Variants in ALK observed in about 807,000 individuals in gnomAD.
The protein encoded by ALK is ALK tyrosine kinase receptor.
In ALK, 74 loss-of-function variants were observed where a neutral mutation model predicts 163.1. The observed-to-expected ratio is 0.45, with a 90% CI of 0.38 to 0.55. The LOEUF is 0.55. Among genes scored for constraint, ALK ranks in the 20% least tolerant of loss-of-function variants. The pLI, the probability that ALK is intolerant of heterozygous loss-of-function variation, is 0.00. For synonymous variants in ALK, 960 were observed against 843.2 expected (o/e 1.14, Z -2.40); for missense variants, 2,063 against 2,105.3 (o/e 0.98, Z 0.39).
rs112649057 is a variant in ALK at position 29,765,601 on chromosome 2, C to G, written c.668-47904G>C. On this transcript the variant is annotated intron_variant, in intron 1 of 28. Transcript: ENST00000389048. ...TGCTGGGATTACAGGCATAAGCCAC[C>G]ATGCCTGGCGCTTTTAGAATAAAAA... Among the ~76,000 whole-genome samples the G allele has an allele frequency of 4.3e-3, 662 of 152,200 alleles. 8 individuals carry two copies. The highest frequency in any genetic ancestry group is 0.014 in the African/African-American group (598 of 41,534).
At chr2:29,309,564 C>G (rs928187922) in intron 8 of ALK, among the ~76,000 whole-genome samples, 1 of 152,152 alleles carries the variant, frequency 6.6e-6, no homozygotes, top group Non-Finnish European at 1.5e-5. Flanking sequence ...ACTTAACAGG[C>G]AGTGGTGATA....
intron 4 of ALK, among the ~76,000 whole-genome samples, chr2:29,393,455 C>T (rs1203931847): frequency 1.3e-5 from 2 of 152,144 alleles, no homozygotes; most frequent in African/African-American, 4.8e-5. Context: ...GGGTCCTGCT[C>T]CACACCCAGG....
intron 4 of ALK, among the ~76,000 whole-genome samples, chr2:29,530,680 C>T (rs759319539): frequency 8.5e-5 from 13 of 152,214 alleles, no homozygotes; most frequent in African/African-American, 1.4e-4. Context: ...AAAGAGAAGC[C>T]GTGCTGGAGG....
intron 1 of ALK, among the ~76,000 whole-genome samples, chr2:29,811,428 T>A (rs1322099638): frequency 6.6e-6 from 1 of 152,176 alleles, no homozygotes; most frequent in African/African-American, 2.4e-5. Flanking sequence ...GTCAAGCTTA[T>A]CTCCATGTCT....
chr2:29,883,755 G>A (rs553968666), intron 1 of ALK, among the ~76,000 whole-genome samples: 4 of 152,184 alleles, frequency 2.6e-5, no homozygotes, highest in African/African-American at 7.2e-5. Context: ...TGGACCGCAC[G>A]GGTCCACTTA....
intron 3 of ALK, among the ~76,000 whole-genome samples, chr2:29,683,202 C>A (rs1002651642): frequency 6.6e-6 from 1 of 152,034 alleles, no homozygotes; most frequent in Non-Finnish European, 1.5e-5. Context: ...CATCATGAAA[C>A]CCCGTCTCTA....
At chr2:29,666,117 A>G (rs1410256767) in intron 3 of ALK, among the ~76,000 whole-genome samples, 1 of 152,154 alleles carries the variant, frequency 6.6e-6, no homozygotes, top group Non-Finnish European at 1.5e-5. Flanking sequence ...GCTGAAATCA[A>G]GATGTATTAC....
At chr2:29,445,601 A>G (rs1346104170) in intron 4 of ALK, among the ~76,000 whole-genome samples, 1 of 151,736 alleles carries the variant, frequency 6.6e-6, no homozygotes, top group African/African-American at 2.4e-5. Flanking sequence ...TCACCTGAGG[A>G]CCTGAGATCA....
chr2:29,427,037 C>CCAAA (rs1209973662), intron 4 of ALK, among the ~76,000 whole-genome samples: 4 of 40,126 alleles, frequency 1.0e-4, no homozygotes, highest in Non-Finnish European at 1.6e-4. Flanking sequence ...GACTCCGTCT[C>CCAAA]AAAAAAAAAA....
chr2:29,386,114 G>T (rs1055828406), intron 4 of ALK, among the ~76,000 whole-genome samples: 1 of 152,204 alleles, frequency 6.6e-6, no homozygotes, highest in Non-Finnish European at 1.5e-5. Context: ...CTCCTGGATG[G>T]TAGCTTTATG....
At chr2:29,486,058 A>C (rs1671769593) in intron 4 of ALK, among the ~76,000 whole-genome samples, 1 of 149,608 alleles carries the variant, frequency 6.7e-6, no homozygotes, top group Admixed American at 6.7e-5. Flanking sequence ...TCTGCTTACT[A>C]CTTTCCATTT....
intron 7 of ALK, among the ~76,000 whole-genome samples, chr2:29,319,480 A>T (rs1666942379): frequency 6.6e-6 from 1 of 152,206 alleles, no homozygotes; most frequent in African/African-American, 2.4e-5. Flanking sequence ...CAGGCGGGTC[A>T]CAATTGTTCC....
At chr2:29,532,996 AAATAAACTAGCAGCCTGC>A (rs1160400980) in intron 3 of ALK, among the ~76,000 whole-genome samples, 1 of 152,236 alleles carries the variant, frequency 6.6e-6, no homozygotes, top group African/African-American at 2.4e-5. Context: ...CCAAATAGGC[AAATAAACTAGCAGCCTGC>A]AATAAACAAT....
At chr2:29,729,082 C>T (rs1045336553) in intron 1 of ALK, among the ~76,000 whole-genome samples, 8 of 152,230 alleles carry the variant, frequency 5.3e-5, no homozygotes, top group Middle Eastern at 3.2e-3. Context: ...GCCAACTTTC[C>T]TGCAGGGAAG....
intron 1 of ALK, among the ~76,000 whole-genome samples, chr2:29,725,940 TC>T (rs1404547193): frequency 6.6e-6 from 1 of 152,130 alleles, no homozygotes; most frequent in Non-Finnish European, 1.5e-5. Flanking sequence ...GATTTCAGCA[TC>T]CCAAGCAAGC....
intron 9 of ALK, among the ~76,000 whole-genome samples, chr2:29,278,479 A>T (rs1252015987): frequency 6.6e-6 from 1 of 152,132 alleles, no homozygotes; most frequent in African/African-American, 2.4e-5. Context: ...TTCTGCACAC[A>T]TCTCACACGC....
chr2:29,579,536 C>G (rs1674619149), intron 3 of ALK, among the ~76,000 whole-genome samples: 1 of 152,198 alleles, frequency 6.6e-6, no homozygotes, highest in African/African-American at 2.4e-5. Context: ...AAAGAAATCC[C>G]TGACAGCCTC....
chr2:29,358,507 CAA>C (rs1668307240), intron 5 of ALK, among the ~76,000 whole-genome samples: 1 of 152,174 alleles, frequency 6.6e-6, no homozygotes, highest in African/African-American at 2.4e-5. Context: ...CAAATAAGAA[CAA>C]AAGTTTCCCA....
intron 4 of ALK, among the ~76,000 whole-genome samples, chr2:29,476,620 G>C (rs1256987793): frequency 6.6e-6 from 1 of 152,056 alleles, no homozygotes; most frequent in African/African-American, 2.4e-5. Context: ...AGACCCGGGG[G>C]AGTTTCCCGG....
Sources: gnomAD v4.1 joint callset for allele counts (sites outside exome capture counted in the v4.1 genomes callset) on GRCh38, gnomAD v4.1.1 for gene constraint, MANE v1.5 for transcripts, NCBI Gene and HGNC (gene_info 2026-07-23, HGNC 2026-07-21) for gene names.